The following ARHGAP39 variants were observed in gnomAD, a reference collection of about 807,000 sequenced individuals.
The protein encoded by ARHGAP39 is Rho GTPase activating protein 39, also known as rho GTPase-activating protein 39.
Under a neutral mutation model 106.9 loss-of-function variants are expected in ARHGAP39, and 44 were observed. The ratio of observed to expected loss-of-function variants is 0.41; its 90% CI spans 0.32 to 0.53. ARHGAP39 has a LOEUF of 0.53. Among genes scored for constraint, ARHGAP39 ranks in the 20% least tolerant of loss-of-function variants. The pLI is 0.21. For synonymous variants in ARHGAP39, 768 were observed against 693.2 expected (o/e 1.11, Z -1.69); for missense variants, 1,496 against 1,577.3 (o/e 0.95, Z 0.87).
chr8:144,651,468 T>A (rs1033156342), intron 1 of ARHGAP39, among the ~76,000 whole-genome samples: 1 of 152,160 alleles, frequency 6.6e-6, no homozygotes, highest in African/African-American at 2.4e-5. Context: ...GTTGGGAGGC[T>A]GAGGTGAGTG....
At chr8:144,633,831 A>G (rs780961916) in intron 1 of ARHGAP39, among the ~76,000 whole-genome samples, 3 of 152,236 alleles carry the variant, frequency 2.0e-5, no homozygotes, top group Non-Finnish European at 2.9e-5. Flanking sequence ...GCGTACCACC[A>G]TGCCTGGTGA....
chr8:144,697,511 TTTTC>T, the ARHGAP39 span, among the ~76,000 whole-genome samples: 1 of 152,202 alleles, frequency 6.6e-6, no homozygotes, highest in Non-Finnish European at 1.5e-5. Flanking sequence ...GAATGCTGTT[TTTTC>T]TTTTTCTTTT....
intron 2 of ARHGAP39, among the ~76,000 whole-genome samples, chr8:144,589,954 C>T (rs778977663): frequency 5.9e-5 from 9 of 152,354 alleles, no homozygotes; most frequent in Admixed American, 3.3e-4. Flanking sequence ...GGGAACAACA[C>T]GTCACTGCTG....
At chr8:144,690,481 GT>G (rs375014121), upstream of ARHGAP39, among the ~76,000 whole-genome samples, 14 of 147,800 alleles carry the variant, frequency 9.5e-5, no homozygotes, top group Admixed American at 2.7e-4. Context: ...GTTAATTTCT[GT>G]TTTTTTTTTA....
At chr8:144,615,928 A>C (rs958190743) in intron 1 of ARHGAP39, among the ~76,000 whole-genome samples, 1 of 152,178 alleles carries the variant, frequency 6.6e-6, no homozygotes, top group Non-Finnish European at 1.5e-5. Context: ...GGCCAGGTTG[A>C]GGGGTTTAGA....
At chr8:144,549,077 C>T (rs1817596875) in intron 4 of ARHGAP39, among the ~76,000 whole-genome samples, 1 of 152,274 alleles carries the variant, frequency 6.6e-6, no homozygotes, top group African/African-American at 2.4e-5. Context: ...GCACCAGAGT[C>T]CCCGGAGTCA....
intron 3 of ARHGAP39, among the ~76,000 whole-genome samples, chr8:144,557,039 A>AC (rs1282056250): frequency 1.4e-5 from 2 of 145,154 alleles, no homozygotes; most frequent in Non-Finnish European, 3.0e-5. Context: ...CAAAGGCTGA[A>AC]CCTTCATAGT....
intron 2 of ARHGAP39, among the ~76,000 whole-genome samples, chr8:144,582,001 G>C (rs749252484): frequency 6.6e-6 from 1 of 152,174 alleles, no homozygotes; most frequent in South Asian, 2.1e-4. Context: ...TTAACCCTGC[G>C]ACAGGCCTGG....
intron 1 of ARHGAP39, among the ~76,000 whole-genome samples, chr8:144,682,928 G>A (rs908334296): frequency 6.7e-6 from 1 of 149,932 alleles, no homozygotes; most frequent in African/African-American, 2.5e-5. Context: ...AAGGTGGGAG[G>A]ATGCCTTGAG....
At chr8:144,576,332 C>CAAAA (rs67038997) in intron 3 of ARHGAP39, among the ~76,000 whole-genome samples, 164 of 63,412 alleles carry the variant, frequency 2.6e-3, no homozygotes, top group East Asian at 3.2e-3. Flanking sequence ...GACTCCGTCT[C>CAAAA]AAAAAAAAAA....
At chr8:144,666,533 G>T (rs1563730299) in intron 1 of ARHGAP39, among the ~76,000 whole-genome samples, 1 of 152,122 alleles carries the variant, frequency 6.6e-6, no homozygotes. Context: ...CATGGGATCT[G>T]GTCTTTCCTG....
chr8:144,699,071 A>C, the ARHGAP39 span: 1 of 321,958 alleles, frequency 3.1e-6, no homozygotes, highest in Non-Finnish European at 6.1e-6. Context: ...CGTGGGACAC[A>C]CCTCTTGTCT....
At chr8:144,612,755 C>T (rs1166073730) in intron 1 of ARHGAP39, among the ~76,000 whole-genome samples, 1 of 151,374 alleles carries the variant, frequency 6.6e-6, no homozygotes, top group East Asian at 1.9e-4. Flanking sequence ...AGGTGAGCCA[C>T]GGCTGCGCCG....
chr8:144,594,029 C>A (rs1316085464), intron 2 of ARHGAP39, among the ~76,000 whole-genome samples: 1 of 137,942 alleles, frequency 7.2e-6, no homozygotes, highest in East Asian at 2.1e-4. Flanking sequence ...GCAGAGGTTG[C>A]AATGAGCCGA....
At chr8:144,619,500 C>T (rs577458939) in intron 1 of ARHGAP39, among the ~76,000 whole-genome samples, 1 of 151,340 alleles carries the variant, frequency 6.6e-6, no homozygotes, top group Non-Finnish European at 1.5e-5. Flanking sequence ...TTGTGTGAGC[C>T]TCTGTGTCCC....
intron 3 of ARHGAP39, among the ~76,000 whole-genome samples, chr8:144,566,625 G>A (rs1299202150): frequency 6.6e-6 from 1 of 152,176 alleles, no homozygotes; most frequent in Non-Finnish European, 1.5e-5. Flanking sequence ...GGAGGCCAAG[G>A]TGGGCAGATC....
At chr8:144,618,732 C>G (rs946417781) in intron 1 of ARHGAP39, among the ~76,000 whole-genome samples, 4 of 152,244 alleles carry the variant, frequency 2.6e-5, no homozygotes, top group African/African-American at 9.6e-5. Flanking sequence ...CAACGTGGTA[C>G]CCGGTTCTCG....
chr8:144,665,438 G>C (rs529040326), intron 1 of ARHGAP39, among the ~76,000 whole-genome samples: 1 of 152,172 alleles, frequency 6.6e-6, no homozygotes, highest in South Asian at 2.1e-4. Context: ...AAGACCACGG[G>C]GAAAATGTCG....
intron 2 of ARHGAP39, among the ~76,000 whole-genome samples, chr8:144,602,323 G>C (rs1378848553): frequency 7.3e-6 from 1 of 136,502 alleles, no homozygotes; most frequent in African/African-American, 2.8e-5. Context: ...GCATGGAGGC[G>C]TGCGTGCGAG....
Sources: allele counts gnomAD v4.1 joint callset (sites outside exome capture counted in the v4.1 genomes callset), GRCh38; gene constraint gnomAD v4.1.1; transcripts MANE v1.5; gene names NCBI Gene and HGNC (gene_info 2026-07-23, HGNC 2026-07-21).